The following LRRIQ3 variants were observed in gnomAD, a reference collection of about 807,000 sequenced individuals.
The protein encoded by LRRIQ3 is leucine rich repeats and IQ motif containing 3.
LRRIQ3 carries 75 observed loss-of-function variants against 59.3 expected under a neutral mutation model. The observed-to-expected ratio is 1.26, with a 90% CI of 1.05 to 1.53. LRRIQ3 has a LOEUF of 1.53. LRRIQ3 is among the 40% of genes most tolerant of loss of function. The probability of loss-of-function intolerance (pLI) is 0.00; values close to 1 mark genes in which losing one functional copy is unlikely to be tolerated. For missense variants in LRRIQ3, 831 were observed against 710.0 expected (o/e 1.17, Z -1.94); for synonymous variants, 250 against 231.3 (o/e 1.08, Z -0.73).
rs1650178760 is a variant in LRRIQ3, at chr1:74,183,838, A to C, written c.1-154T>G. Among the ~76,000 whole-genome samples, 5 of 152,000 alleles carry C rather than the reference A, an allele frequency of 3.3e-5. No homozygotes were observed. In the South Asian group the frequency reaches 1.0e-3, roughly 31 times the overall value. On this transcript the variant is annotated intron_variant, in intron 1 of 7. Coordinates refer to ENST00000354431, the MANE Select transcript of LRRIQ3 (RefSeq NM_001105659.2). Reference sequence around the variant, plus strand: ...ATTCTTATAGAACTTTCTATCCCAAAATAACTTAAATATCTAACATTTCAA... The same window carrying C: ...ATTCTTATAGAACTTTCTATCCCAACATAACTTAAATATCTAACATTTCAA...
chr1:74,033,054 A>AT (rs973591847), intron 7 of LRRIQ3, among the ~76,000 whole-genome samples: 1 of 152,058 alleles, frequency 6.6e-6, no homozygotes, highest in African/African-American at 2.4e-5. Context: ...AGGAGAGGCC[A>AT]TAAGTGGTGT....
intron 4 of LRRIQ3, among the ~76,000 whole-genome samples, chr1:74,152,653 T>A (rs1648065181): frequency 6.6e-6 from 1 of 152,176 alleles, no homozygotes; most frequent in Non-Finnish European, 1.5e-5. Context: ...ATAATCCATA[T>A]TCTGTCTGCT....
intron 4 of LRRIQ3, among the ~76,000 whole-genome samples, chr1:74,119,065 T>C (rs886931866): frequency 6.6e-6 from 1 of 152,148 alleles, no homozygotes; most frequent in Non-Finnish European, 1.5e-5. Context: ...CACCGTAGCC[T>C]AGCTATGTTG....
At chr1:74,153,160 T>C (rs1446029147) in intron 4 of LRRIQ3, among the ~76,000 whole-genome samples, 4 of 152,154 alleles carry the variant, frequency 2.6e-5, no homozygotes, top group Non-Finnish European at 5.9e-5. Context: ...TCAGTATAGC[T>C]GCCTTTACGT....
chr1:74,194,732 A>T (rs994248456), intron 1 of LRRIQ3, among the ~76,000 whole-genome samples: 5 of 152,232 alleles, frequency 3.3e-5, no homozygotes, highest in African/African-American at 9.6e-5. Flanking sequence ...TTAATAAAGA[A>T]ATTAGCACGA....
chr1:74,072,863 C>A (rs572909979), intron 6 of LRRIQ3, among the ~76,000 whole-genome samples: 85 of 152,152 alleles, frequency 5.6e-4, no homozygotes, highest in Non-Finnish European at 1.1e-3. Context: ...TTCGAATATT[C>A]TGACCATAAT....
At chr1:74,054,152 A>T (rs1444906518) in intron 6 of LRRIQ3, among the ~76,000 whole-genome samples, 1 of 152,190 alleles carries the variant, frequency 6.6e-6, no homozygotes, top group Non-Finnish European at 1.5e-5. Flanking sequence ...GTGAATGGAT[A>T]AATAAACCTT....
chr1:74,179,249 T>C (rs1649834103), intron 3 of LRRIQ3, among the ~76,000 whole-genome samples: 2 of 152,062 alleles, frequency 1.3e-5, no homozygotes, highest in African/African-American at 2.4e-5. Context: ...TGATTTCGTA[T>C]AGCAAAGAAG....
At chr1:74,120,760 A>G (rs1018344331) in intron 4 of LRRIQ3, among the ~76,000 whole-genome samples, 3 of 152,042 alleles carry the variant, frequency 2.0e-5, no homozygotes, top group Non-Finnish European at 2.9e-5. Flanking sequence ...TTTTAAAATT[A>G]TTTTTATTAG....
In LRRIQ3 at chr1:74,037,087, A is replaced by G. The variant is rs1653895420; in HGVS notation, c.1718+4126T>C. On this transcript the variant is annotated intron_variant, in intron 7 of 7. Coordinates refer to ENST00000354431, the MANE Select transcript of LRRIQ3 (RefSeq NM_001105659.2). ...GTTGTTATATGACTTAAATGAGTTT[A>G]TATACAACCTTTACTAATTGAGGTT... 2.0e-5 allele frequency among the ~76,000 whole-genome samples: 3 copies of G among 152,232 alleles called. No homozygotes were observed. The South Asian group carries it at 6.2e-4, about 32-fold the overall frequency.
intron 1 of LRRIQ3, among the ~76,000 whole-genome samples, chr1:74,186,394 T>C (rs1215256128): frequency 2.6e-5 from 4 of 152,158 alleles, no homozygotes; most frequent in African/African-American, 9.6e-5. Flanking sequence ...ATCTCAGATA[T>C]ATTAGAGAAT....
chr1:74,039,636 A>T (rs1433276679), intron 7 of LRRIQ3, among the ~76,000 whole-genome samples: 2 of 152,180 alleles, frequency 1.3e-5, no homozygotes, highest in Admixed American at 6.5e-5. Flanking sequence ...AATATTCATC[A>T]TTCTTAAAGA....
intron 6 of LRRIQ3, among the ~76,000 whole-genome samples, chr1:74,048,229 T>A (rs1045266992): frequency 2.0e-5 from 3 of 152,178 alleles, no homozygotes; most frequent in Admixed American, 2.0e-4. Flanking sequence ...GGCAAACTAG[T>A]GTGTTATTAA....
intron 6 of LRRIQ3, among the ~76,000 whole-genome samples, chr1:74,061,543 C>G (rs1654721349): frequency 6.6e-6 from 1 of 152,058 alleles, no homozygotes. Context: ...TCAAACTATA[C>G]TACATTTGCA....
intron 6 of LRRIQ3, among the ~76,000 whole-genome samples, chr1:74,057,813 A>G (rs529608933): frequency 2.0e-4 from 31 of 152,108 alleles, no homozygotes; most frequent in Non-Finnish European, 3.7e-4. Context: ...ACATATTCAC[A>G]AACTATACAT....
chr1:74,058,757 G>A (rs1449160795), intron 6 of LRRIQ3, among the ~76,000 whole-genome samples: 1 of 151,956 alleles, frequency 6.6e-6, no homozygotes, highest in Admixed American at 6.6e-5. Flanking sequence ...AATGTTTGAG[G>A]CGATGAATAT....
intron 6 of LRRIQ3, among the ~76,000 whole-genome samples, chr1:74,060,347 TTTC>T (rs1026014568): frequency 2.0e-5 from 3 of 148,142 alleles, no homozygotes; most frequent in African/African-American, 5.0e-5. Flanking sequence ...TCCTCCTCCT[TTTC>T]TTCTTCTTCC....
intron 4 of LRRIQ3, among the ~76,000 whole-genome samples, chr1:74,144,920 A>G (rs538871058): frequency 6.6e-6 from 1 of 152,174 alleles, no homozygotes; most frequent in Admixed American, 6.6e-5. Context: ...ATGCACATAC[A>G]CACATATACA....
At chr1:74,109,838 A>G (rs946670761) in intron 4 of LRRIQ3, among the ~76,000 whole-genome samples, 13 of 151,742 alleles carry the variant, frequency 8.6e-5, no homozygotes, top group Admixed American at 8.6e-4. Flanking sequence ...TGGGAAGGAG[A>G]ACATGTCTAA....
Sources: gnomAD v4.1 joint callset for allele counts (sites outside exome capture counted in the v4.1 genomes callset) on GRCh38, gnomAD v4.1.1 for gene constraint, MANE v1.5 for transcripts, NCBI Gene and HGNC (gene_info 2026-07-23, HGNC 2026-07-21) for gene names.